The following CLVS1 variants were observed in gnomAD, a reference collection of about 807,000 sequenced individuals.
CLVS1 encodes clavesin-1.
CLVS1 carries 10 observed loss-of-function variants against 33.1 expected under a neutral mutation model. The ratio of observed to expected loss-of-function variants is 0.30; its 90% CI spans 0.19 to 0.51. The LOEUF (loss-of-function observed/expected upper bound fraction) is 0.51. CLVS1 is among the 20% of genes least tolerant of loss of function. The pLI, the probability that CLVS1 is intolerant of heterozygous loss-of-function variation, is 0.97. For synonymous variants in CLVS1, 163 were observed against 166.1 expected, an observed-to-expected ratio of 0.98 and a Z score of 0.14; for missense variants, 343 against 433.4, an observed-to-expected ratio of 0.79 and a Z score of 1.85.
rs200506417 is a variant in CLVS1 at position 61,305,716 on chromosome 8, AC to A, written c.455+5437del. Among the ~76,000 whole-genome samples the A allele has an allele frequency of 5.6e-4, 85 of 151,458 alleles. 1 individual carries two copies. In the East Asian group the frequency reaches 0.016, roughly 28 times the overall value. On this transcript the variant is annotated intron_variant, in intron 2 of 5. Transcript: ENST00000325897. ...TTGGCCCTCCCTCCTCCCACTCTCT[AC>A]CCTCTGAAAGGCCCCAGTGTTTATT...
intron 1 of CLVS1, among the ~76,000 whole-genome samples, chr8:61,084,917 T>C (rs985599320): frequency 2.6e-5 from 4 of 152,240 alleles, no homozygotes; most frequent in Non-Finnish European, 5.9e-5. Flanking sequence ...TAGCCAGGTA[T>C]AAGATGTCTT....
At chr8:61,399,470 T>G (rs1250336828) in intron 3 of CLVS1, among the ~76,000 whole-genome samples, 1 of 152,218 alleles carries the variant, frequency 6.6e-6, no homozygotes, top group Non-Finnish European at 1.5e-5. Context: ...TTACAAAAAT[T>G]TTATCCCATT....
chr8:61,059,475 C>CATACATATATATATATAT lies in CLVS1; in HGVS notation c.-243+2248_-243+2249insCATATATATATATATATA, dbSNP rs59538219. Among the ~76,000 whole-genome samples the CATACATATATATATATAT allele has an allele frequency of 4.1e-3, 204 of 50,160 alleles. 1 individual carries two copies. Among genetic ancestry groups the CATACATATATATATATAT allele is most frequent in the African/African-American group, 0.011 (183 of 16,782 alleles). 32.9% of individuals were successfully genotyped at this position (50,160 alleles called of 152,430 possible). On this transcript the variant is annotated intron_variant, in intron 1 of 2. Transcript: ENST00000522621. ...ACACACACATATACATACATACATA[C>CATACATATATATATATAT]ATATATATATATATATATATATATA... is the stretch of plus-strand genomic sequence containing the variant.
the CLVS1 span, among the ~76,000 whole-genome samples, chr8:60,966,804 C>A: frequency 0.55 from 83,621 of 152,058 alleles, 23,349 homozygotes; most frequent in South Asian, 0.7. Flanking sequence ...TACACATACA[C>A]ACAATATTGT....
rs200531883 is a variant in CLVS1 at position 61,501,068 on chromosome 8, T to TCAAA, written c.*1530_*1533dup. On this transcript the variant is annotated 3_prime_UTR_variant, in exon 6 of 6. Coordinates refer to ENST00000325897, the MANE Select transcript of CLVS1 (RefSeq NM_173519.3). ...GTTGAAACAGAATTAAAAATATTTC[T>TCAAA]CAAACAACTGTATCACAATATAAAT... The TCAAA allele has an allele frequency of 0.01, 1,592 of 152,274 alleles. 26 individuals carry two copies. Among genetic ancestry groups the TCAAA allele is most frequent in the African/African-American group, 0.036 (1,485 of 41,560 alleles). The allele number at this position is 152,274 out of a possible 1,614,324, so 9.4% of individuals were successfully genotyped here. A position where few individuals can be genotyped will look rare whatever the true frequency, so the allele number is the denominator to read the frequency against.
chr8:61,077,303 C>G (rs1015737865), intron 1 of CLVS1, among the ~76,000 whole-genome samples: 10 of 151,878 alleles, frequency 6.6e-5, no homozygotes, highest in East Asian at 5.8e-4. Context: ...GATCTCCTGA[C>G]CCCGTGATCC....
intron 1 of CLVS1, among the ~76,000 whole-genome samples, chr8:61,083,979 A>T (rs761172075): frequency 9.9e-5 from 15 of 152,214 alleles, no homozygotes; most frequent in Non-Finnish European, 1.5e-4. Context: ...CCAGCTGGGA[A>T]GAACAAATTA....
At chr8:61,493,207 T>A (rs962172259) in intron 5 of CLVS1, among the ~76,000 whole-genome samples, 1 of 152,212 alleles carries the variant, frequency 6.6e-6, no homozygotes, top group African/African-American at 2.4e-5. Context: ...TTTTGAAATG[T>A]TAGTTTTTCA....
the CLVS1 span, among the ~76,000 whole-genome samples, chr8:61,012,400 G>T: frequency 1.3e-5 from 2 of 152,158 alleles, no homozygotes; most frequent in Non-Finnish European, 2.9e-5. Flanking sequence ...TTTTCCCAAT[G>T]CTATAGTGTA....
chr8:61,355,968 A>G (rs1277322403), intron 2 of CLVS1, among the ~76,000 whole-genome samples: 1 of 152,230 alleles, frequency 6.6e-6, no homozygotes, highest in South Asian at 2.1e-4. Context: ...TTCTACTTCT[A>G]GATCCCTGAG....
intron 1 of CLVS1, among the ~76,000 whole-genome samples, chr8:61,299,023 T>A (rs1810327996): frequency 6.6e-6 from 1 of 152,184 alleles, no homozygotes; most frequent in Admixed American, 6.5e-5. Context: ...AATGTCCCTG[T>A]GAGCCTCCTT....
At chr8:61,455,178 T>TTTTG (rs145189944) in intron 4 of CLVS1, among the ~76,000 whole-genome samples, 1 of 147,438 alleles carries the variant, frequency 6.8e-6, no homozygotes, top group South Asian at 2.2e-4. Context: ...TAATTATGAT[T>TTTTG]TGTGTGTGTG....
At chr8:61,254,385 G>T (rs1585725208) in intron 2 of CLVS1, among the ~76,000 whole-genome samples, 1 of 152,202 alleles carries the variant, frequency 6.6e-6, no homozygotes, top group African/African-American at 2.4e-5. Context: ...ACTTGAGGAG[G>T]CAGTCTGTCC....
At chr8:61,384,463 A>T (rs1369947189) in intron 3 of CLVS1, among the ~76,000 whole-genome samples, 1 of 152,198 alleles carries the variant, frequency 6.6e-6, no homozygotes, top group Non-Finnish European at 1.5e-5. Context: ...TTCAATAACC[A>T]CATAGGAAGA....
intron 3 of CLVS1, among the ~76,000 whole-genome samples, chr8:61,380,951 T>C (rs1813851893): frequency 6.6e-6 from 1 of 152,208 alleles, no homozygotes; most frequent in Non-Finnish European, 1.5e-5. Flanking sequence ...TTGTGTCCTG[T>C]AGGCTATTTA....
chr8:61,183,798 G>C (rs12115133), intron 2 of CLVS1, among the ~76,000 whole-genome samples: 9 of 152,148 alleles, frequency 5.9e-5, no homozygotes, highest in Non-Finnish European at 1.3e-4. Context: ...CCCCGAATGA[G>C]TAAGTAGAAG....
Position 61,063,401 on chromosome 8 carries a change from T to C in CLVS1, c.-243+6171T>C, listed in dbSNP as rs534913001. ...CTAAGCTGAGGTGCATGAGAAGGTATTTTCCAGCTGGAGGGTGGTGTTGAG... is the reference window on the plus strand; with the variant it reads ...CTAAGCTGAGGTGCATGAGAAGGTACTTTCCAGCTGGAGGGTGGTGTTGAG... On this transcript the variant is annotated intron_variant, in intron 1 of 2. Transcript: ENST00000522621. Among the ~76,000 whole-genome samples the C allele has an allele frequency of 3.3e-5, 5 of 152,162 alleles. No individual in the cohort carries two copies. In the East Asian group the frequency reaches 9.7e-4, roughly 29 times the overall value.
At chr8:61,321,296 G>A (rs1811186585) in intron 2 of CLVS1, among the ~76,000 whole-genome samples, 1 of 152,132 alleles carries the variant, frequency 6.6e-6, no homozygotes, top group South Asian at 2.1e-4. Flanking sequence ...ATCCACAGAA[G>A]TTCTGCGGTG....
chr8:61,291,911 C>T (rs768927506), intron 1 of CLVS1: 2 of 170,582 alleles, frequency 1.2e-5, no homozygotes, highest in Non-Finnish European at 2.6e-5. Context: ...AGGCAATTAA[C>T]CTACCTCTCA....
Sources: gnomAD v4.1 joint callset for allele counts (sites outside exome capture counted in the v4.1 genomes callset) on GRCh38, gnomAD v4.1.1 for gene constraint, MANE v1.5 for transcripts, NCBI Gene and HGNC (gene_info 2026-07-23, HGNC 2026-07-21) for gene names.